The following ASB15 variants were observed in gnomAD, a reference collection of about 807,000 sequenced individuals.
The protein encoded by ASB15 is ankyrin repeat and SOCS box containing 15.
In ASB15, 54 loss-of-function variants were observed where a neutral mutation model predicts 58.0. The observed-to-expected ratio is 0.93, with a 90% CI of 0.75 to 1.17. The LOEUF is 1.17. Among genes scored for constraint, ASB15 ranks in the 50% most tolerant of loss-of-function variants. The probability of loss-of-function intolerance (pLI) is 0.00; values close to 1 mark genes in which losing one functional copy is unlikely to be tolerated. For missense variants in ASB15, 680 were observed against 707.4 expected (o/e 0.96, Z 0.44); for synonymous variants, 249 against 262.4 (o/e 0.95, Z 0.50).
chr7:123,603,108 TTGCTA>T (rs1318974579), intron 1 of ASB15, among the ~76,000 whole-genome samples: 5 of 152,188 alleles, frequency 3.3e-5, no homozygotes, highest in African/African-American at 1.2e-4. Flanking sequence ...TATTAAAGAC[TTGCTA>T]TGCTATGTGC....
chr7:123,614,795 C>T (rs796202040), intron 4 of ASB15, among the ~76,000 whole-genome samples, 186 bp downstream of exon 4: 60 of 152,282 alleles, frequency 3.9e-4, no homozygotes, highest in African/African-American at 1.2e-3. Flanking sequence ...TCCACAAATC[C>T]TCACCTCATG....
intron 3 of ASB15, among the ~76,000 whole-genome samples, chr7:123,610,968 G>C (rs1180858849): frequency 6.6e-6 from 1 of 150,942 alleles, no homozygotes; most frequent in Non-Finnish European, 1.5e-5. Flanking sequence ...TATAATCCCA[G>C]CTACTCGGGA....
intron 1 of ASB15, among the ~76,000 whole-genome samples, chr7:123,592,656 G>C (rs181415878): frequency 6.6e-6 from 1 of 152,254 alleles, no homozygotes; most frequent in East Asian, 1.9e-4. Context: ...GAGACCGTTT[G>C]TTGCGATTTC....
intron 7 of ASB15, among the ~76,000 whole-genome samples, chr7:123,620,507 C>T (rs546183895): frequency 0.045 from 1,338 of 29,542 alleles, 69 homozygotes; most frequent in Admixed American, 0.085. Context: ...CATATACATA[C>T]ATATATATAT....
At chr7:123,578,438 C>T (rs1038927790) in intron 1 of ASB15, among the ~76,000 whole-genome samples, 2 of 151,874 alleles carry the variant, frequency 1.3e-5, no homozygotes, top group Non-Finnish European at 2.9e-5. Flanking sequence ...GAACATACCC[C>T]TCTTTCCTCC....
chr7:123,629,751 C>A (rs968722905), intron 10 of ASB15, among the ~76,000 whole-genome samples: 1 of 152,116 alleles, frequency 6.6e-6, no homozygotes, highest in Non-Finnish European at 1.5e-5. Flanking sequence ...CTTCTCCATG[C>A]TTTGCTGACT....
chr7:123,576,374 T>G (rs1202735466), intron 1 of ASB15, among the ~76,000 whole-genome samples: 1 of 152,094 alleles, frequency 6.6e-6, no homozygotes, highest in African/African-American at 2.4e-5. Context: ...GTAAAATATA[T>G]GATCATAATT....
chr7:123,601,981 T>A (rs1037046414), intron 1 of ASB15, 67 bp downstream of exon 1: 1 of 152,180 alleles, frequency 6.6e-6, no homozygotes, highest in African/African-American at 2.4e-5. Context: ...TTATTGGTAA[T>A]ATTTTAAACA....
chr7:123,568,283 C>T (rs1036120079), intron 1 of ASB15, among the ~76,000 whole-genome samples: 28 of 151,884 alleles, frequency 1.8e-4, no homozygotes, highest in Non-Finnish European at 3.5e-4. Flanking sequence ...GAGGCTGAGG[C>T]GGGCAGATCG....
intron 8 of ASB15, 55 bp downstream of exon 8, chr7:123,624,869 T>C: frequency 6.5e-7 from 1 of 1,537,316 alleles, no homozygotes; most frequent in South Asian, 1.2e-5. Context: ...CGAACTCTCC[T>C]TTTCTCCATT....
intron 7 of ASB15, chr7:123,623,280 G>A (rs1801455686): frequency 6.6e-6 from 1 of 152,052 alleles, no homozygotes. Context: ...CCATTTGTAG[G>A]GGCAGCACTC....
chr7:123,589,680 A>C (rs923987312), intron 1 of ASB15, among the ~76,000 whole-genome samples: 1 of 152,102 alleles, frequency 6.6e-6, no homozygotes, highest in African/African-American at 2.4e-5. Context: ...ATAGTATTGC[A>C]TGGTGTATAT....
upstream of ASB15, among the ~76,000 whole-genome samples, chr7:123,599,609 C>T (rs186930080): frequency 6.8e-4 from 104 of 152,256 alleles, no homozygotes; most frequent in Non-Finnish European, 1.2e-3. Context: ...AATTCACAAA[C>T]AATGCTACCT....
intron 10 of ASB15, 90 bp from the exon 11 acceptor site, chr7:123,629,875 TA>T: frequency 1.1e-6 from 1 of 934,142 alleles, no homozygotes. Context: ...TTTTCTGTAG[TA>T]AAACAGAGTA....
At chr7:123,615,373 C>G (rs1160388968) in intron 4 of ASB15, 1 of 152,038 alleles carries the variant, frequency 6.6e-6, no homozygotes, top group African/African-American at 2.4e-5. Flanking sequence ...TTGAAGAGAT[C>G]CAGTGTTTAA....
In ASB15 at chr7:123,632,080, A is replaced by AAATAAT. The variant is rs373227752; in HGVS notation, c.1594+1978_1594+1983dup. Among the ~76,000 whole-genome samples, 21 of 151,766 alleles carry AAATAAT rather than the reference A, an allele frequency of 1.4e-4. No individual in the cohort carries two copies. In the East Asian group the frequency reaches 2.1e-3, roughly 15 times the overall value. ...GCGACAGAGCGAGACTCCATCTCAAAAATAATAATAATAATAATAATAGAA... is the reference window on the plus strand; with the variant it reads ...GCGACAGAGCGAGACTCCATCTCAAAAATAATAATAATAATAATAATAATAATAGAA... On this transcript the variant is annotated intron_variant, in intron 11 of 11. Coordinates refer to ENST00000451215, the MANE Select transcript of ASB15 (RefSeq NM_001290258.2).
intron 8 of ASB15, 163 bp downstream of exon 8, chr7:123,624,977 C>A: frequency 1.3e-6 from 1 of 779,332 alleles, no homozygotes; most frequent in Non-Finnish European, 2.0e-6. Flanking sequence ...CTCAGTAGAC[C>A]CTTATTCTAC....
At chr7:123,583,734 G>C (rs572959800) in intron 1 of ASB15, among the ~76,000 whole-genome samples, 11 of 151,960 alleles carry the variant, frequency 7.2e-5, no homozygotes, top group African/African-American at 2.7e-4. Flanking sequence ...TTAAGCATAA[G>C]AACACTGTCT....
chr7:123,621,072 C>T (rs1431706464), intron 7 of ASB15, among the ~76,000 whole-genome samples: 1 of 152,156 alleles, frequency 6.6e-6, no homozygotes, highest in East Asian at 1.9e-4. Flanking sequence ...CCGTGATTAT[C>T]ACTCCTTGTT....
Sources: allele counts gnomAD v4.1 joint callset (sites outside exome capture counted in the v4.1 genomes callset), GRCh38; gene constraint gnomAD v4.1.1; transcripts MANE v1.5; gene names NCBI Gene and HGNC (gene_info 2026-07-23, HGNC 2026-07-21).